Variants in BRF1 observed in about 807,000 individuals in gnomAD.
BRF1 encodes transcription factor IIIB 90 kDa subunit.
BRF1 carries 59 observed loss-of-function variants against 81.7 expected under a neutral mutation model. The ratio of observed to expected loss-of-function variants is 0.72; its 90% CI spans 0.59 to 0.90. The LOEUF (loss-of-function observed/expected upper bound fraction) is 0.90. BRF1 is among the 40% of genes least tolerant of loss of function. The pLI is 0.00. For missense variants in BRF1, 1,050 were observed against 936.3 expected, an observed-to-expected ratio of 1.12 and a Z score of -1.58; for synonymous variants, 491 against 395.6, an observed-to-expected ratio of 1.24 and a Z score of -2.86.
At position 105,291,735 on chromosome 14, in the gene BRF1, C is replaced by A. The variant is rs183932966; in HGVS notation, c.185-5359G>T. On this transcript the variant is annotated intron_variant, in intron 1 of 17. Coordinates refer to ENST00000547530, the MANE Select transcript of BRF1 (RefSeq NM_001519.4). ...GGGTCTGGCCGGGCGTGGTGGCTCA[C>A]GCCTGTAATCCCAGCACCTTCGGAG... Among the ~76,000 whole-genome samples the A allele has an allele frequency of 3.2e-4, 49 of 151,336 alleles. 1 individual carries two copies. The highest frequency in any genetic ancestry group is 1.5e-5 in the Non-Finnish European group (1 of 67,842).
chr14:105,282,467 A>G (rs757458914), intron 2 of BRF1, among the ~76,000 whole-genome samples: 2 of 152,218 alleles, frequency 1.3e-5, no homozygotes, highest in African/African-American at 4.8e-5. Flanking sequence ...CAAACCTGGC[A>G]GGCTGGGTGG....
intron 5 of BRF1, chr14:105,248,894 C>A: frequency 1.0e-6 from 1 of 987,912 alleles, no homozygotes; most frequent in South Asian, 4.5e-5. Flanking sequence ...TCTACGCTCC[C>A]GCCAGCGCCG....
At chr14:105,280,225 C>T (rs950615880) in intron 2 of BRF1, among the ~76,000 whole-genome samples, 2 of 152,238 alleles carry the variant, frequency 1.3e-5, no homozygotes, top group African/African-American at 2.4e-5. Flanking sequence ...AAAGAGGCCA[C>T]AGGCTGTGCA....
At chr14:105,305,757 C>T (rs2058169072), upstream of BRF1, among the ~76,000 whole-genome samples, 5 of 152,362 alleles carry the variant, frequency 3.3e-5, no homozygotes, top group South Asian at 1.0e-3. Context: ...ACATTTAGGA[C>T]TGACTGACAA....
chr14:105,267,595 G>C (rs752796777), intron 3 of BRF1, among the ~76,000 whole-genome samples: 4 of 152,160 alleles, frequency 2.6e-5, no homozygotes, highest in Non-Finnish European at 4.4e-5. Context: ...TTACAGGCGT[G>C]AGCCACTGTG....
At chr14:105,287,428 C>T (rs1292054941) in intron 1 of BRF1, among the ~76,000 whole-genome samples, 2 of 152,322 alleles carry the variant, frequency 1.3e-5, no homozygotes, top group South Asian at 2.1e-4. Context: ...CGCCCCGCAG[C>T]GTCGGCCCTC....
chr14:105,254,673 T>C (rs943033046), intron 4 of BRF1, among the ~76,000 whole-genome samples: 2 of 152,198 alleles, frequency 1.3e-5, no homozygotes, highest in Admixed American at 6.5e-5. Flanking sequence ...GCGATTCTCC[T>C]GTCTCACCCT....
intron 5 of BRF1, chr14:105,250,101 G>A: frequency 3.1e-6 from 5 of 1,612,984 alleles, no homozygotes; most frequent in Non-Finnish European, 4.2e-6. Flanking sequence ...TTTGCCAACG[G>A]CGCTGCCCAG....
At chr14:105,249,581 C>CCCAGCCCCGCGATGGGTGCTTGGGAG in intron 5 of BRF1, 1 of 1,585,522 alleles carries the variant, frequency 6.3e-7, no homozygotes, top group South Asian at 1.2e-5. Context: ...CTCTCCCAGG[C>CCCAGCCCCGCGATGGGTGCTTGGGAG]CCAGCCCCGC....
intron 5 of BRF1, among the ~76,000 whole-genome samples, chr14:105,245,291 G>A (rs2055007361): frequency 6.6e-6 from 1 of 152,158 alleles, no homozygotes; most frequent in African/African-American, 2.4e-5. Flanking sequence ...AACCTGGGAG[G>A]TGGAGGTTGC....
chr14:105,266,137 C>T (rs770591620), intron 3 of BRF1, among the ~76,000 whole-genome samples: 1 of 151,984 alleles, frequency 6.6e-6, no homozygotes, highest in African/African-American at 2.4e-5. Flanking sequence ...AAATTTATAG[C>T]CTCGAGTGCT....
chr14:105,271,016 T>C lies in BRF1; in HGVS notation c.439+1705A>G, dbSNP rs1319629146. 6.6e-6 allele frequency among the ~76,000 whole-genome samples: 1 copy of C among 151,146 alleles called. No homozygotes were observed. Among genetic ancestry groups the C allele is most frequent in the Non-Finnish European group, 1.5e-5 (1 of 67,786 alleles). ...CAGAAAAGAGCTCAAGGTGAGAAGA[T>C]GCCACACTCAGGAAGACGGGAGATT... On this transcript the variant is annotated intron_variant, in intron 3 of 17. Coordinates refer to ENST00000547530, the MANE Select transcript of BRF1 (RefSeq NM_001519.4). This position sits in a 1 kb window ranked among gnomAD's most constrained non-coding sequence, Gnocchi z 5.5.
intron 6 of BRF1, 23 bp from the exon 7 acceptor site, chr14:105,228,936 T>A (rs112151376): frequency 0.013 from 20,614 of 1,610,898 alleles, 162 homozygotes; most frequent in Non-Finnish European, 0.015. Flanking sequence ...GAGACGGGCC[T>A]CGTCAACCAC....
At chr14:105,228,084 T>G (rs1023837536) in intron 7 of BRF1, 20 of 152,198 alleles carry the variant, frequency 1.3e-4, no homozygotes, top group African/African-American at 4.8e-4. Flanking sequence ...GCCACTCATT[T>G]CACTGATGCG....
intron 5 of BRF1, chr14:105,247,505 TG>T (rs1180479676): frequency 1.0e-6 from 1 of 985,320 alleles, no homozygotes; most frequent in African/African-American, 1.7e-5. Context: ...TCCTCCATCC[TG>T]GAGAGTCCTT....
chr14:105,300,278 G>C (rs933797288), intron 1 of BRF1, among the ~76,000 whole-genome samples, 168 bp downstream of exon 1: 1 of 152,214 alleles, frequency 6.6e-6, no homozygotes, highest in East Asian at 1.9e-4. Context: ...CGCGAAGAAG[G>C]TCTACATTCT....
At chr14:105,295,303 C>CAAAAAAAAA (rs869251134) in intron 1 of BRF1, among the ~76,000 whole-genome samples, 1 of 36,588 alleles carries the variant, frequency 2.7e-5, no homozygotes. Flanking sequence ...CACATCTCTA[C>CAAAAAAAAA]AAAAAAAAAA....
chr14:105,274,887 C>T (rs1263094457), intron 2 of BRF1, among the ~76,000 whole-genome samples: 1 of 152,148 alleles, frequency 6.6e-6, no homozygotes, highest in Admixed American at 6.5e-5. Context: ...AGGCAATTAG[C>T]CCCATGGGGT....
At position 105,269,510 on chromosome 14, in the gene BRF1, C is replaced by T. The variant is rs959397458; in HGVS notation, c.439+3211G>A. Reference sequence around the variant, plus strand: ...ACCACCAGGATCTAATTTTAGAATGCGTGGGGGACACGGGGTGGCTTCCTG... The same window carrying T: ...ACCACCAGGATCTAATTTTAGAATGTGTGGGGGACACGGGGTGGCTTCCTG... On this transcript the variant is annotated intron_variant, in intron 3 of 17. Coordinates refer to ENST00000547530, the MANE Select transcript of BRF1 (RefSeq NM_001519.4). This position sits in a 1 kb window ranked among gnomAD's most constrained non-coding sequence, Gnocchi z 5.0. 2.6e-5 allele frequency among the ~76,000 whole-genome samples: 4 copies of T among 152,118 alleles called. No individual in the cohort carries two copies. The highest frequency in any genetic ancestry group is 6.6e-5 in the Admixed American group (1 of 15,262).
Sources: gnomAD v4.1 joint callset for allele counts (sites outside exome capture counted in the v4.1 genomes callset) on GRCh38, gnomAD v4.1.1 for gene constraint, Gnocchi (gnomAD v3.1) non-coding constraint, MANE v1.5 for transcripts, NCBI Gene and HGNC (gene_info 2026-07-23, HGNC 2026-07-21) for gene names.